Variants in VPS50 observed in about 807,000 individuals in gnomAD.
VPS50 encodes the protein VPS50 subunit of EARP/GARPII complex.
In VPS50, 70 loss-of-function variants were observed where a neutral mutation model predicts 139.7. That is an observed-to-expected ratio of 0.50 (90% CI 0.41 to 0.61). The LOEUF is 0.61. Ranked by LOEUF, VPS50 falls within the 20% of genes least tolerant of loss-of-function variation. The probability of loss-of-function intolerance (pLI) is 0.00; values close to 1 mark genes in which losing one functional copy is unlikely to be tolerated. For synonymous variants in VPS50, 365 were observed against 376.7 expected (o/e 0.97, Z 0.36); for missense variants, 921 against 1,133.7 (o/e 0.81, Z 2.69).
At position 93,334,134 on chromosome 7, in the gene VPS50, C is replaced by T. The variant is rs1167849776; in HGVS notation, c.1995C>T (p.Leu665=). Reference sequence around the variant, plus strand: ...TTTTTCAGTTGGAATCAACTGGACTCGGCCTTAGTAGTAGTAGACTAAGAA... The same window carrying T: ...TTTTTCAGTTGGAATCAACTGGACTTGGCCTTAGTAGTAGTAGACTAAGAA... ...GRNDSLESTG[L]GLSSSRLRTT... is the part of the protein sequence containing the mutation. The change falls in exon 22 of 28, where the codon CTC becomes CTT. Residue 665 remains leucine (L), a synonymous_variant. Transcript: ENST00000305866. 6.3e-6 allele frequency: 10 copies of T among 1,593,972 alleles called. No homozygotes were observed. The highest frequency in any genetic ancestry group is 2.7e-5 in the African/African-American group (2 of 74,190).
intron 12 of VPS50, among the ~76,000 whole-genome samples, chr7:93,277,886 AT>A (rs1455470027): frequency 1.3e-5 from 2 of 152,064 alleles, no homozygotes; most frequent in African/African-American, 2.4e-5. Flanking sequence ...AAATTACCCA[AT>A]CACCTTTTTT....
intron 2 of VPS50, among the ~76,000 whole-genome samples, chr7:93,243,060 T>C (rs1795043547): frequency 6.6e-6 from 1 of 151,956 alleles, no homozygotes; most frequent in Admixed American, 6.6e-5. Flanking sequence ...AACCATCTGG[T>C]ACAATTTCTG....
At chr7:93,261,592 G>A (rs1489143047) in intron 9 of VPS50, among the ~76,000 whole-genome samples, 1 of 151,066 alleles carries the variant, frequency 6.6e-6, no homozygotes, top group Non-Finnish European at 1.5e-5. Context: ...GCAGGAGAAT[G>A]GCGTGAACCT....
At chr7:93,295,020 A>G (rs908783276) in intron 14 of VPS50, among the ~76,000 whole-genome samples, 1 of 152,156 alleles carries the variant, frequency 6.6e-6, no homozygotes, top group African/African-American at 2.4e-5. Flanking sequence ...CTAAGTAGAT[A>G]GCATACTTAG....
At chr7:93,353,792 CT>C in intron 26 of VPS50, 31 bp downstream of exon 26, 1 of 1,535,924 alleles carries the variant, frequency 6.5e-7, no homozygotes, top group Non-Finnish European at 8.9e-7. Context: ...TTATTTGTTT[CT>C]TTAATGACAA....
chr7:93,325,000 C>A (rs1797728084), intron 21 of VPS50, among the ~76,000 whole-genome samples: 3 of 151,778 alleles, frequency 2.0e-5, no homozygotes, highest in Admixed American at 1.3e-4. Flanking sequence ...CAATCCTAAG[C>A]CAAAAGAACA....
intron 19 of VPS50, among the ~76,000 whole-genome samples, chr7:93,310,738 T>C (rs778476231): frequency 1.4e-4 from 22 of 152,014 alleles, no homozygotes; most frequent in Non-Finnish European, 2.9e-4. Context: ...GTGCTGACCA[T>C]ATAGCTTTTA....
intron 27 of VPS50, among the ~76,000 whole-genome samples, chr7:93,357,490 G>A (rs1353515049): frequency 1.3e-5 from 2 of 152,108 alleles, no homozygotes; most frequent in South Asian, 2.1e-4. Flanking sequence ...CTTACCAGGC[G>A]GGGACAGGTG....
intron 1 of VPS50, among the ~76,000 whole-genome samples, chr7:93,233,783 C>T (rs1794711828): frequency 6.6e-6 from 1 of 152,144 alleles, no homozygotes; most frequent in African/African-American, 2.4e-5. Flanking sequence ...AGTTACATAA[C>T]GTTTTTAAGC....
chr7:93,242,941 G>A (rs1187175738), intron 2 of VPS50, among the ~76,000 whole-genome samples: 1 of 151,854 alleles, frequency 6.6e-6, no homozygotes, highest in Admixed American at 6.6e-5. Flanking sequence ...GAAAAAGGAG[G>A]GTAGTGAAGG....
In VPS50 at chr7:93,337,000, A is replaced by G. The variant is rs145434658; in HGVS notation, c.2058+2803A>G. Among the ~76,000 whole-genome samples, 3 of 152,312 alleles carry G rather than the reference A, an allele frequency of 2.0e-5. No individual in the cohort carries two copies. In the East Asian group the frequency reaches 5.8e-4, roughly 29 times the overall value. ...CTTTAAAGGGTTATATCCTTTACTTATTGTACTCCTATAAACTGAAACAGC... is the reference window on the plus strand; with the variant it reads ...CTTTAAAGGGTTATATCCTTTACTTGTTGTACTCCTATAAACTGAAACAGC... On this transcript the variant is annotated intron_variant, in intron 22 of 27. Coordinates refer to ENST00000305866, the MANE Select transcript of VPS50 (RefSeq NM_017667.4).
In VPS50 at chr7:93,295,348, A is replaced by T. The variant is rs575526037; in HGVS notation, c.1167+712A>T. 4 of 152,270 alleles carry T rather than the reference A, an allele frequency of 2.6e-5. No homozygotes were observed. In the South Asian group the frequency reaches 8.3e-4, roughly 32 times the overall value. The allele number at this position is 152,270 out of a possible 1,614,324, so 9.4% of individuals were successfully genotyped here. A position where few individuals can be genotyped will look rare whatever the true frequency, so the allele number is the denominator to read the frequency against. ...TCTCTGGGGTCCCTTCTATAGGGGA[A>T]CTAATCTAATTAATGAGGGCTCTAC... On this transcript the variant is annotated intron_variant, in intron 14 of 27. Transcript: ENST00000305866.
At chr7:93,245,707 A>G (rs536374308) in intron 2 of VPS50, among the ~76,000 whole-genome samples, 51 of 151,900 alleles carry the variant, frequency 3.4e-4, no homozygotes, top group Non-Finnish European at 5.6e-4. Context: ...CTTCAACAGT[A>G]TTCCACTAGA....
intron 21 of VPS50, among the ~76,000 whole-genome samples, 197 bp downstream of exon 21, chr7:93,323,929 T>C (rs1797692007): frequency 6.6e-6 from 1 of 152,208 alleles, no homozygotes; most frequent in African/African-American, 2.4e-5. Context: ...TTTGGTATGA[T>C]AAACACATTC....
At chr7:93,272,605 C>G (rs775853608) in intron 10 of VPS50, 30 bp from the exon 11 acceptor site, 1 of 933,524 alleles carries the variant, frequency 1.1e-6, no homozygotes, top group Admixed American at 2.5e-5. Context: ...ATTCCTTAAC[C>G]ATGTCTTGCT....
chr7:93,238,458 T>C (rs1794884586), intron 1 of VPS50, among the ~76,000 whole-genome samples: 1 of 152,190 alleles, frequency 6.6e-6, no homozygotes, highest in South Asian at 2.1e-4. Context: ...TTCTGGAACT[T>C]TGCTAGCCAC....
chr7:93,360,919 A>G lies in VPS50; in HGVS notation c.*2483A>G, dbSNP rs909235454. 6.6e-6 allele frequency: 1 copy of G among 152,022 alleles called. No individual in the cohort carries two copies. Among genetic ancestry groups the G allele is most frequent in the African/African-American group, 2.4e-5 (1 of 41,416 alleles). The allele number at this position is 152,022 out of a possible 1,614,324, so 9.4% of individuals were successfully genotyped here. Reference sequence around the variant, plus strand: ...TAAACTCATTTACACAACTTATTAAATGAATTTCTCTTGAAACCAGGGCCA... The same window carrying G: ...TAAACTCATTTACACAACTTATTAAGTGAATTTCTCTTGAAACCAGGGCCA... On this transcript the variant is annotated 3_prime_UTR_variant, in exon 28 of 28. Coordinates refer to ENST00000305866, the MANE Select transcript of VPS50 (RefSeq NM_017667.4).
chr7:93,319,174 A>G (rs1477164392), intron 20 of VPS50, among the ~76,000 whole-genome samples: 1 of 152,228 alleles, frequency 6.6e-6, no homozygotes, highest in African/African-American at 2.4e-5. Flanking sequence ...TCCTCTGAAT[A>G]TATAATCAGA....
Position 93,360,117 on chromosome 7 carries a change from A to G in VPS50, c.*1681A>G, listed in dbSNP as rs1471431351. 1.3e-5 allele frequency: 2 copies of G among 152,136 alleles called. No homozygotes were observed. The highest frequency in any genetic ancestry group is 2.9e-5 in the Non-Finnish European group (2 of 68,024). The allele number at this position is 152,136 out of a possible 1,614,324, so 9.4% of individuals were successfully genotyped here. The stretch of plus-strand genomic sequence containing the variant: ...AGCTGGGCACATAAAGAGCTAATCA[A>G]TCTTTTAAAATTTGCAGTTGATGAA... On this transcript the variant is annotated 3_prime_UTR_variant, in exon 28 of 28. Transcript: ENST00000305866.
Sources: gnomAD v4.1 joint callset for allele counts (sites outside exome capture counted in the v4.1 genomes callset) on GRCh38, gnomAD v4.1.1 for gene constraint, MANE v1.5 for transcripts, NCBI Gene and HGNC (gene_info 2026-07-23, HGNC 2026-07-21) for gene names.